Variants in RSU1 observed in about 807,000 individuals in gnomAD.
The protein encoded by RSU1 is Ras suppressor protein 1.
In RSU1, 26 loss-of-function variants were observed where a neutral mutation model predicts 31.1. The ratio of observed to expected loss-of-function variants is 0.84; its 90% CI spans 0.61 to 1.16. RSU1 has a LOEUF of 1.16. RSU1 is among the 50% of genes most tolerant of loss of function. The probability of loss-of-function intolerance (pLI) is 0.00; values close to 1 mark genes in which losing one functional copy is unlikely to be tolerated. For missense variants in RSU1, 320 were observed against 339.1 expected, an observed-to-expected ratio of 0.94 and a Z score of 0.44; for synonymous variants, 164 against 136.3, an observed-to-expected ratio of 1.20 and a Z score of -1.41.
At chr10:16,761,501 C>A (rs1837211087) in intron 4 of RSU1, among the ~76,000 whole-genome samples, 1 of 152,074 alleles carries the variant, frequency 6.6e-6, no homozygotes. Flanking sequence ...ACTTTATACT[C>A]AACAGTGCCA....
intron 3 of RSU1, among the ~76,000 whole-genome samples, chr10:16,767,683 T>C (rs1431057284): frequency 1.3e-5 from 2 of 152,150 alleles, no homozygotes; most frequent in African/African-American, 4.8e-5. Context: ...TATTCACTCT[T>C]TGAACCAATA....
chr10:16,777,395 G>A (rs1837555550), intron 3 of RSU1, among the ~76,000 whole-genome samples: 1 of 152,128 alleles, frequency 6.6e-6, no homozygotes, highest in African/African-American at 2.4e-5. Flanking sequence ...ACTAAAAAAT[G>A]ATACGTGAAA....
rs149966090 is a variant in RSU1, at chr10:16,690,220, C to T, written c.731+4803G>A. Among the ~76,000 whole-genome samples the T allele has an allele frequency of 5.0e-3, 761 of 152,154 alleles. 9 individuals carry two copies. The highest frequency in any genetic ancestry group is 0.016 in the African/African-American group (680 of 41,504). Reference sequence around the variant, plus strand: ...TCTGCTTCAAAGAAATAAAAGAGGTCGAAGAGACAACCACCATCAAATAAA... The same window carrying T: ...TCTGCTTCAAAGAAATAAAAGAGGTTGAAGAGACAACCACCATCAAATAAA... On this transcript the variant is annotated intron_variant, in intron 8 of 8. Coordinates refer to ENST00000345264, the MANE Select transcript of RSU1 (RefSeq NM_012425.4).
chr10:16,630,459 G>C (rs955271992), intron 8 of RSU1, among the ~76,000 whole-genome samples: 1 of 152,070 alleles, frequency 6.6e-6, no homozygotes, highest in South Asian at 2.1e-4. Flanking sequence ...TTTCTTATTC[G>C]TTCCAATGAG....
chr10:16,673,326 G>T (rs1304573847), intron 8 of RSU1, among the ~76,000 whole-genome samples: 3 of 152,162 alleles, frequency 2.0e-5, no homozygotes, highest in Non-Finnish European at 2.9e-5. Context: ...CAGGACATTT[G>T]CTCCAACATG....
chr10:16,736,862 A>T (rs1836638493), intron 7 of RSU1, among the ~76,000 whole-genome samples: 1 of 152,140 alleles, frequency 6.6e-6, no homozygotes, highest in African/African-American at 2.4e-5. Flanking sequence ...AAAAAGAGCT[A>T]TACCTTGCAT....
chr10:16,717,405 A>G (rs1836165657), intron 7 of RSU1, among the ~76,000 whole-genome samples: 1 of 152,222 alleles, frequency 6.6e-6, no homozygotes, highest in Non-Finnish European at 1.5e-5. Flanking sequence ...AAATAAACCA[A>G]TCCAATAGTT....
intron 8 of RSU1, among the ~76,000 whole-genome samples, chr10:16,677,631 TTA>T: frequency 6.6e-6 from 1 of 152,248 alleles, no homozygotes; most frequent in East Asian, 1.9e-4. Context: ...TTCCAAAAAT[TTA>T]TAGAGAATAT....
chr10:16,784,071 T>A (rs373034421), intron 2 of RSU1, among the ~76,000 whole-genome samples: 1 of 149,468 alleles, frequency 6.7e-6, no homozygotes, highest in Non-Finnish European at 1.5e-5. Flanking sequence ...TTTTGTATTA[T>A]GTCCCTCTAT....
chr10:16,677,604 GTTCTC>G (rs1281859057), intron 8 of RSU1, among the ~76,000 whole-genome samples: 1 of 148,438 alleles, frequency 6.7e-6, no homozygotes, highest in African/African-American at 2.5e-5. Flanking sequence ...CCCATTTGCA[GTTCTC>G]TTCTAACCAT....
At chr10:16,669,799 T>C (rs951121390) in intron 8 of RSU1, among the ~76,000 whole-genome samples, 4 of 152,230 alleles carry the variant, frequency 2.6e-5, no homozygotes, top group Non-Finnish European at 5.9e-5. Flanking sequence ...ATGGTGTATA[T>C]GTACCATATT....
intron 2 of RSU1, among the ~76,000 whole-genome samples, chr10:16,782,860 A>G (rs1837683587): frequency 6.6e-6 from 1 of 151,564 alleles, no homozygotes. Flanking sequence ...ATGTGTCAGC[A>G]TTTACACACA....
At chr10:16,765,434 G>A (rs1481421997) in intron 3 of RSU1, among the ~76,000 whole-genome samples, 1 of 152,114 alleles carries the variant, frequency 6.6e-6, no homozygotes, top group Non-Finnish European at 1.5e-5. Flanking sequence ...AGTCAACTCA[G>A]TAGCATGCTA....
chr10:16,793,685 G>A (rs1377467687), intron 2 of RSU1, among the ~76,000 whole-genome samples: 1 of 152,080 alleles, frequency 6.6e-6, no homozygotes, highest in East Asian at 1.9e-4. Context: ...GTGAGCTACA[G>A]CTACTCTGCA....
At chr10:16,762,170 T>G (rs1429057396) in intron 4 of RSU1, among the ~76,000 whole-genome samples, 1 of 152,110 alleles carries the variant, frequency 6.6e-6, no homozygotes, top group Non-Finnish European at 1.5e-5. Flanking sequence ...TGACATAGAA[T>G]AGTCACTTAC....
chr10:16,609,177 A>G (rs974656935), intron 8 of RSU1, among the ~76,000 whole-genome samples: 3 of 152,262 alleles, frequency 2.0e-5, no homozygotes, highest in African/African-American at 2.4e-5. Context: ...ATCTCAGAAA[A>G]ATGTATGGTC....
intron 8 of RSU1, among the ~76,000 whole-genome samples, chr10:16,595,411 T>C (rs1271487075): frequency 1.3e-5 from 2 of 152,162 alleles, no homozygotes; most frequent in Non-Finnish European, 2.9e-5. Flanking sequence ...CCATCGGCGG[T>C]CACTCTCACG....
At chr10:16,675,852 T>C (rs1835219205) in intron 8 of RSU1, among the ~76,000 whole-genome samples, 1 of 152,184 alleles carries the variant, frequency 6.6e-6, no homozygotes, top group South Asian at 2.1e-4. Context: ...GGCCTCAGAT[T>C]TGGATGCTAA....
At chr10:16,774,860 T>A (rs536152016) in intron 3 of RSU1, among the ~76,000 whole-genome samples, 4 of 152,148 alleles carry the variant, frequency 2.6e-5, no homozygotes, top group African/African-American at 7.2e-5. Flanking sequence ...TTCTGGTACT[T>A]TTGGAGGCCA....
Sources: gnomAD v4.1 joint callset for allele counts (sites outside exome capture counted in the v4.1 genomes callset) on GRCh38, gnomAD v4.1.1 for gene constraint, MANE v1.5 for transcripts, NCBI Gene and HGNC (gene_info 2026-07-23, HGNC 2026-07-21) for gene names.